The following THSD7A variants were observed in gnomAD, a reference collection of about 807,000 sequenced individuals.
THSD7A encodes the protein thrombospondin type-1 domain-containing protein 7A.
Under a neutral mutation model 231.3 loss-of-function variants are expected in THSD7A, and 96 were observed. The ratio of observed to expected loss-of-function variants is 0.41; its 90% CI spans 0.35 to 0.49. The LOEUF (loss-of-function observed/expected upper bound fraction) is 0.49, where lower values mean the gene tolerates loss of function less well. Among genes scored for constraint, THSD7A ranks in the 20% least tolerant of loss-of-function variants. The probability of loss-of-function intolerance (pLI) is 0.05; values close to 1 mark genes in which losing one functional copy is unlikely to be tolerated. For missense variants in THSD7A, 2,290 were observed against 2,070.2 expected (o/e 1.11, Z -2.06); for synonymous variants, 940 against 743.3 (o/e 1.26, Z -4.30).
chr7:11,499,576 G>A (rs1787247788), intron 6 of THSD7A, among the ~76,000 whole-genome samples: 1 of 152,110 alleles, frequency 6.6e-6, no homozygotes, highest in Non-Finnish European at 1.5e-5. Flanking sequence ...GAGAATCACA[G>A]TAAAGCAATA....
intron 6 of THSD7A, among the ~76,000 whole-genome samples, chr7:11,486,199 C>T (rs1378266834): frequency 6.6e-6 from 1 of 152,188 alleles, no homozygotes; most frequent in East Asian, 1.9e-4. Flanking sequence ...TAAGGTCTTA[C>T]AAGAGTAGCA....
chr7:11,768,114 C>G (rs1354413754), intron 1 of THSD7A, among the ~76,000 whole-genome samples: 2 of 152,092 alleles, frequency 1.3e-5, no homozygotes, highest in African/African-American at 4.8e-5. Flanking sequence ...AACATGTAAC[C>G]TGAGTTTAAA....
At chr7:11,759,450 C>A (rs1039081721) in intron 1 of THSD7A, among the ~76,000 whole-genome samples, 5 of 151,946 alleles carry the variant, frequency 3.3e-5, no homozygotes, top group African/African-American at 1.2e-4. Context: ...GTGTGGCACA[C>A]AGACATATGA....
intron 23 of THSD7A, among the ~76,000 whole-genome samples, chr7:11,392,505 G>T (rs1783022329): frequency 6.6e-6 from 1 of 152,042 alleles, no homozygotes; most frequent in African/African-American, 2.4e-5. Flanking sequence ...TCATACCCAA[G>T]TGGGGCCTGG....
intron 1 of THSD7A, among the ~76,000 whole-genome samples, chr7:11,819,197 T>A (rs1784796904): frequency 6.6e-6 from 1 of 151,878 alleles, no homozygotes; most frequent in Non-Finnish European, 1.5e-5. Flanking sequence ...TGGTGAGGAG[T>A]GGAGAAATAG....
At chr7:11,584,643 A>T (rs1348879730) in intron 4 of THSD7A, among the ~76,000 whole-genome samples, 1 of 152,178 alleles carries the variant, frequency 6.6e-6, no homozygotes, top group Non-Finnish European at 1.5e-5. Flanking sequence ...CCTGATTCCT[A>T]TCTGGGGTTC....
chr7:11,821,046 C>G (rs536707319), intron 1 of THSD7A: 6 of 975,786 alleles, frequency 6.1e-6, no homozygotes, highest in Non-Finnish European at 9.6e-6. Context: ...CATTTCATCA[C>G]GAGCCAAACC....
At chr7:11,750,947 A>G (rs1052898578) in intron 1 of THSD7A, among the ~76,000 whole-genome samples, 3 of 152,114 alleles carry the variant, frequency 2.0e-5, no homozygotes, top group African/African-American at 7.2e-5. Context: ...AAGGGGTAAG[A>G]CAAGGGCATC....
In THSD7A at chr7:11,460,657, C is replaced by G; in HGVS notation, c.2605+5G>C. ...AGAAATGAACTGTGGAATGGGGCCT[C>G]CCACCTCTTGCCTGTCGCCCAGGCC... On this transcript the variant is annotated splice_donor_5th_base_variant and intron_variant, in intron 11 of 27. Transcript: ENST00000423059. 6.2e-7 allele frequency: 1 copy of G among 1,603,200 alleles called. No homozygotes were observed. Among genetic ancestry groups the G allele is most frequent in the Non-Finnish European group, 8.5e-7 (1 of 1,174,646 alleles).
At chr7:11,751,106 C>G (rs962385801) in intron 1 of THSD7A, 1 of 152,038 alleles carries the variant, frequency 6.6e-6, no homozygotes, top group Non-Finnish European at 1.5e-5. Flanking sequence ...ACAAGAAATA[C>G]CAGCCACCCC....
At chr7:11,789,198 G>A (rs1783877371) in intron 1 of THSD7A, among the ~76,000 whole-genome samples, 1 of 151,998 alleles carries the variant, frequency 6.6e-6, no homozygotes, top group African/African-American at 2.4e-5. Context: ...ATGAAGGCCA[G>A]TGTGCCTGGA....
rs564841409 is a variant in THSD7A, at chr7:11,372,689, C to T, written c.*3105G>A. ...AAAAACCAAACAACAGACCTTCATT[C>T]TAGGGAACAGCAGTTCTACATCTTT... On this transcript the variant is annotated 3_prime_UTR_variant, in exon 28 of 28. Coordinates refer to ENST00000423059, the MANE Select transcript of THSD7A (RefSeq NM_015204.3). 6.6e-6 allele frequency: 1 copy of T among 151,950 alleles called. No homozygotes were observed. 9.4% of individuals were successfully genotyped at this position (151,950 alleles called of 1,614,324 possible). A position where few individuals can be genotyped will look rare whatever the true frequency, so the allele number is the denominator to read the frequency against.
At chr7:11,451,940 A>G (rs78472339) in intron 11 of THSD7A, among the ~76,000 whole-genome samples, 7,563 of 152,134 alleles carry the variant, frequency 0.05, 549 homozygotes, top group African/African-American at 0.16. Flanking sequence ...TTGTTTGAAT[A>G]ATCAGAATGA....
chr7:11,750,539 G>A (rs141995296), intron 1 of THSD7A, among the ~76,000 whole-genome samples: 16 of 152,090 alleles, frequency 1.1e-4, no homozygotes, highest in African/African-American at 3.4e-4. Flanking sequence ...TGGAGGGACT[G>A]CCAAACCCAA....
chr7:11,727,336 T>C lies in THSD7A; in HGVS notation c.191-90375A>G, dbSNP rs1447473987. 2.0e-5 allele frequency among the ~76,000 whole-genome samples: 3 copies of C among 151,938 alleles called. No homozygotes were observed. The East Asian group carries it at 5.9e-4, about 30-fold the overall frequency. ...CTTGTTCTTTTCTAGGCCATTTTAC[T>C]TTTCATTCTAATAACAGCAATCCCC... On this transcript the variant is annotated intron_variant, in intron 1 of 27. Coordinates refer to ENST00000423059, the MANE Select transcript of THSD7A (RefSeq NM_015204.3).
chr7:11,521,190 T>C (rs143311391), intron 6 of THSD7A, among the ~76,000 whole-genome samples: 26 of 151,160 alleles, frequency 1.7e-4, no homozygotes, highest in African/African-American at 6.1e-4. Flanking sequence ...ACATACATAC[T>C]AAGACAAATA....
chr7:11,745,261 A>G (rs1030499169), intron 1 of THSD7A, among the ~76,000 whole-genome samples: 1 of 152,034 alleles, frequency 6.6e-6, no homozygotes, highest in African/African-American at 2.4e-5. Context: ...ATGTCTGTTC[A>G]TGTCCTTCGC....
At chr7:11,451,940 A>C (rs78472339) in intron 11 of THSD7A, among the ~76,000 whole-genome samples, 5 of 152,142 alleles carry the variant, frequency 3.3e-5, no homozygotes, top group Middle Eastern at 3.4e-3. Flanking sequence ...TTGTTTGAAT[A>C]ATCAGAATGA....
intron 23 of THSD7A, among the ~76,000 whole-genome samples, chr7:11,383,541 A>G (rs1255554703): frequency 6.6e-6 from 1 of 151,938 alleles, no homozygotes; most frequent in Non-Finnish European, 1.5e-5. Flanking sequence ...AAAGGTGACA[A>G]TTTACAAATC....
Sources: allele counts gnomAD v4.1 joint callset (sites outside exome capture counted in the v4.1 genomes callset), GRCh38; gene constraint gnomAD v4.1.1; transcripts MANE v1.5; gene names NCBI Gene and HGNC (gene_info 2026-07-23, HGNC 2026-07-21).